Variants in BMPR1B observed in about 807,000 individuals in gnomAD.
BMPR1B encodes the protein bone morphogenetic protein receptor type 1B, also known as bone morphogenetic protein receptor type-1B.
Under a neutral mutation model 59.1 loss-of-function variants are expected in BMPR1B, and 12 were observed. The ratio of observed to expected loss-of-function variants is 0.20; its 90% CI spans 0.13 to 0.33. BMPR1B has a LOEUF of 0.33. Among genes scored for constraint, BMPR1B ranks in the 10% least tolerant of loss-of-function variants. BMPR1B has a pLI of 1.00. For missense variants in BMPR1B, 550 were observed against 610.9 expected, an observed-to-expected ratio of 0.90 and a Z score of 1.05; for synonymous variants, 237 against 207.3, an observed-to-expected ratio of 1.14 and a Z score of -1.23.
At chr4:94,958,518 T>C (rs566154953) in intron 2 of BMPR1B, among the ~76,000 whole-genome samples, 51 of 152,278 alleles carry the variant, frequency 3.3e-4, no homozygotes, top group Non-Finnish European at 7.1e-4. Context: ...TCTATGAGTG[T>C]CATCTCTCTG....
intron 2 of BMPR1B, among the ~76,000 whole-genome samples, chr4:94,981,667 C>A (rs950424920): frequency 4.6e-5 from 7 of 152,104 alleles, no homozygotes; most frequent in Non-Finnish European, 1.0e-4. Context: ...GAAAATGTAA[C>A]CTATGATTAG....
intron 2 of BMPR1B, among the ~76,000 whole-genome samples, chr4:94,957,704 T>C (rs1366767574): frequency 4.6e-5 from 7 of 152,286 alleles, no homozygotes; most frequent in African/African-American, 1.7e-4. Context: ...GTTAATGAAT[T>C]AAAGTATTTC....
At chr4:95,116,414 AGCGCGC>A (rs746066664) in intron 6 of BMPR1B, among the ~76,000 whole-genome samples, 8 of 74,202 alleles carry the variant, frequency 1.1e-4, no homozygotes, top group African/African-American at 3.4e-4. Flanking sequence ...CCATGCTTTC[AGCGCGC>A]GCACACACAC....
intron 3 of BMPR1B, among the ~76,000 whole-genome samples, chr4:95,043,643 C>T (rs181072161): frequency 3.0e-3 from 453 of 152,300 alleles, no homozygotes; most frequent in African/African-American, 9.9e-3. Context: ...TCATCAAATT[C>T]CATGAAGCAT....
At chr4:95,002,449 A>G (rs1722517991) in intron 3 of BMPR1B, among the ~76,000 whole-genome samples, 1 of 152,164 alleles carries the variant, frequency 6.6e-6, no homozygotes, top group Non-Finnish European at 1.5e-5. Context: ...ATATGAGTGC[A>G]TGTGTCTTTT....
rs56902521 is a variant in BMPR1B, at chr4:94,770,186, G to GT, written c.-183+12136dup. On this transcript the variant is annotated intron_variant, in intron 1 of 12. Coordinates refer to ENST00000515059, the MANE Select transcript of BMPR1B (RefSeq NM_001203.3). ...TGAATTGTCCTTCGTTTCTGTGTTT[G>GT]TTTTTTTTTTTTTTTTTTGCGAAAG... Among the ~76,000 whole-genome samples the GT allele has an allele frequency of 6.0e-3, 325 of 54,114 alleles. 7 individuals are homozygous for GT. The East Asian group carries it at 0.2, about 33-fold the overall frequency. The allele number at this position is 54,114 out of a possible 152,430, so 35.5% of individuals were successfully genotyped here. A position where few individuals can be genotyped will look rare whatever the true frequency, so the allele number is the denominator to read the frequency against.
intron 3 of BMPR1B, among the ~76,000 whole-genome samples, chr4:95,041,409 G>T (rs1370476209): frequency 6.6e-6 from 1 of 152,020 alleles, no homozygotes; most frequent in South Asian, 2.1e-4. Context: ...ACCCGCCATG[G>T]GTTGGAAACT....
intron 11 of BMPR1B, among the ~76,000 whole-genome samples, chr4:95,149,578 A>G (rs1331169299): frequency 6.6e-6 from 1 of 152,220 alleles, no homozygotes; most frequent in East Asian, 1.9e-4. Flanking sequence ...TGATTGCTCT[A>G]CAGTCTGTCT....
chr4:95,066,808 C>CA (rs1381534456), intron 3 of BMPR1B, among the ~76,000 whole-genome samples: 2 of 152,120 alleles, frequency 1.3e-5, no homozygotes, highest in Non-Finnish European at 2.9e-5. Context: ...ACAAGCCCCT[C>CA]AGTGATTTTG....
chr4:94,830,177 T>C (rs1724524980), intron 1 of BMPR1B, among the ~76,000 whole-genome samples: 1 of 152,070 alleles, frequency 6.6e-6, no homozygotes. Flanking sequence ...AGATAAATAA[T>C]AAACTATTTT....
At chr4:95,065,855 T>C (rs1727761422) in intron 3 of BMPR1B, among the ~76,000 whole-genome samples, 1 of 152,208 alleles carries the variant, frequency 6.6e-6, no homozygotes, top group African/African-American at 2.4e-5. Context: ...ATATTTTATC[T>C]TTAAAATCAG....
intron 2 of BMPR1B, among the ~76,000 whole-genome samples, chr4:94,900,800 A>G (rs954938825): frequency 1.3e-5 from 2 of 151,990 alleles, no homozygotes; most frequent in Middle Eastern, 3.2e-3. Flanking sequence ...AAAAGGGTAT[A>G]CTTCTAGATG....
At chr4:94,973,126 T>G (rs12505093) in intron 2 of BMPR1B, among the ~76,000 whole-genome samples, 90,444 of 151,664 alleles carry the variant, frequency 0.6, 28,498 homozygotes, top group African/African-American at 0.8. Flanking sequence ...CTAGGTGGGG[T>G]TGCCTATGAC....
At chr4:94,798,303 G>A (rs1723271165) in intron 1 of BMPR1B, among the ~76,000 whole-genome samples, 1 of 152,200 alleles carries the variant, frequency 6.6e-6, no homozygotes, top group African/African-American at 2.4e-5. Context: ...AGCAATTCTG[G>A]TAAAAGTTGG....
intron 10 of BMPR1B, among the ~76,000 whole-genome samples, chr4:95,142,063 A>G (rs528605249): frequency 6.6e-6 from 1 of 152,306 alleles, no homozygotes; most frequent in African/African-American, 2.4e-5. Context: ...CTGCAACCAT[A>G]CCCACCTTAT....
chr4:94,962,327 A>G (rs1730401783), intron 2 of BMPR1B, among the ~76,000 whole-genome samples: 1 of 151,990 alleles, frequency 6.6e-6, no homozygotes, highest in African/African-American at 2.4e-5. Flanking sequence ...TAGTAGAGAC[A>G]GGGTTTTGCC....
At chr4:95,031,135 A>T in intron 3 of BMPR1B, among the ~76,000 whole-genome samples, 1 of 152,336 alleles carries the variant, frequency 6.6e-6, no homozygotes, top group East Asian at 1.9e-4. Context: ...ACAAGGCTAC[A>T]GTAACCAAAA....
At chr4:95,117,711 G>A (rs929497175) in intron 6 of BMPR1B, among the ~76,000 whole-genome samples, 2 of 152,026 alleles carry the variant, frequency 1.3e-5, no homozygotes, top group Admixed American at 6.6e-5. Flanking sequence ...ACTTGAGCCC[G>A]GAAGTTCGAC....
intron 2 of BMPR1B, among the ~76,000 whole-genome samples, chr4:94,883,541 A>G (rs956972713): frequency 1.3e-4 from 20 of 152,220 alleles, no homozygotes; most frequent in Admixed American, 4.6e-4. Context: ...TAAAAAAATC[A>G]AGCAGCTCAT....
Sources: gnomAD v4.1 joint callset for allele counts (sites outside exome capture counted in the v4.1 genomes callset) on GRCh38, gnomAD v4.1.1 for gene constraint, MANE v1.5 for transcripts, NCBI Gene and HGNC (gene_info 2026-07-23, HGNC 2026-07-21) for gene names.